SLC35F2: variants seen among roughly 807,000 people sequenced by gnomAD.
The protein encoded by SLC35F2 is queuine/queuosine transporter SLC35F2.
A neutral mutation model predicts 38.1 loss-of-function variants in SLC35F2; 25 were observed. The observed-to-expected ratio is 0.66, with a 90% CI of 0.48 to 0.92. The LOEUF is 0.92. Among genes scored for constraint, SLC35F2 ranks in the 40% least tolerant of loss-of-function variants. The pLI is 0.00. For synonymous variants in SLC35F2, 173 were observed against 181.7 expected (o/e 0.95, Z 0.38); for missense variants, 409 against 452.9 (o/e 0.90, Z 0.88).
In SLC35F2 at chr11:107,805,640, A is replaced by G. The variant is rs1350548926; in HGVS notation, c.575-125T>C. Reference sequence around the variant, plus strand: ...ACTAAAGAAGAAGAAACTGGTTACTAGAAGTTTATGTGTGAGAGTGTGTGT... The same window carrying G: ...ACTAAAGAAGAAGAAACTGGTTACTGGAAGTTTATGTGTGAGAGTGTGTGT... On this transcript the variant is annotated intron_variant, in intron 4 of 7. Transcript: ENST00000525815. 4 of 1,454,926 alleles carry G rather than the reference A, an allele frequency of 2.7e-6. No individual in the cohort carries two copies. The East Asian group carries it at 9.9e-5, about 36-fold the overall frequency. 90.1% of individuals were successfully genotyped at this position (1,454,926 alleles called of 1,614,324 possible).
intron 7 of SLC35F2, 54 bp downstream of exon 7, chr11:107,802,947 A>C: frequency 6.7e-7 from 1 of 1,498,162 alleles, no homozygotes; most frequent in Non-Finnish European, 8.9e-7. Flanking sequence ...GAAACCTGCT[A>C]CGTTTTTTGG....
At chr11:107,828,927 T>C (rs1859794311) in intron 1 of SLC35F2, among the ~76,000 whole-genome samples, 1 of 151,462 alleles carries the variant, frequency 6.6e-6, no homozygotes, top group African/African-American at 2.4e-5. Context: ...GCCAACATGG[T>C]GAAACCCTGT....
At chr11:107,819,577 G>C (rs1254054240) in intron 1 of SLC35F2, among the ~76,000 whole-genome samples, 1 of 152,172 alleles carries the variant, frequency 6.6e-6, no homozygotes, top group Non-Finnish European at 1.5e-5. Flanking sequence ...GTCTGAGGCT[G>C]CCCTATCCTA....
intron 1 of SLC35F2, among the ~76,000 whole-genome samples, chr11:107,839,824 T>C (rs1213731893): frequency 6.6e-6 from 1 of 152,118 alleles, no homozygotes; most frequent in Non-Finnish European, 1.5e-5. Flanking sequence ...TGGCTAATTT[T>C]GTATTTTTAG....
chr11:107,816,027 C>G lies in SLC35F2; in HGVS notation c.111-62G>C, dbSNP rs1859568518. ...ATAAGTTATACCTTACACACACACA[C>G]ACACACACACACACACACACACACA... On this transcript the variant is annotated intron_variant, in intron 1 of 7. Transcript: ENST00000525815. The G allele has an allele frequency of 5.6e-6, 8 of 1,416,076 alleles. No homozygotes were observed. In the East Asian group the frequency reaches 2.1e-4, roughly 37 times the overall value. 87.7% of individuals were successfully genotyped at this position (1,416,076 alleles called of 1,614,324 possible).
intron 2 of SLC35F2, among the ~76,000 whole-genome samples, chr11:107,812,446 G>A (rs147176137): frequency 3.4e-4 from 52 of 152,184 alleles, no homozygotes; most frequent in African/African-American, 1.2e-3. Flanking sequence ...TTGAGGTGAG[G>A]GCAGAGGACA....
intron 1 of SLC35F2, among the ~76,000 whole-genome samples, chr11:107,841,981 G>A (rs1002783829): frequency 1.3e-5 from 2 of 151,242 alleles, no homozygotes; most frequent in Admixed American, 6.6e-5. Flanking sequence ...CAGGAGAATT[G>A]CGTGAACCCA....
chr11:107,855,215 G>C (rs541776924), intron 1 of SLC35F2, among the ~76,000 whole-genome samples: 42 of 152,282 alleles, frequency 2.8e-4, no homozygotes, highest in African/African-American at 9.6e-4. Context: ...GACCAATAAA[G>C]GGAAGAGTTC....
chr11:107,809,393 C>T (rs1433982400), intron 3 of SLC35F2, among the ~76,000 whole-genome samples: 1 of 148,266 alleles, frequency 6.7e-6, no homozygotes, highest in African/African-American at 2.5e-5. Flanking sequence ...ACTCAGGAGG[C>T]CAAGGCTGCA....
At chr11:107,807,286 A>AAAAAAAAAAAAAAAAAAAAAAAAAAAAC (rs71047625) in intron 3 of SLC35F2, among the ~76,000 whole-genome samples, 1 of 87,270 alleles carries the variant, frequency 1.1e-5, no homozygotes, top group Non-Finnish European at 2.3e-5. Flanking sequence ...AAAAAAAAAA[A>AAAAAAAAAAAAAAAAAAAAAAAAAAAAC]CAACAACAAA....
At chr11:107,856,055 T>C (rs563944445) in intron 1 of SLC35F2, among the ~76,000 whole-genome samples, 18 of 139,970 alleles carry the variant, frequency 1.3e-4, no homozygotes, top group Admixed American at 4.6e-4. Flanking sequence ...CAGTGAGCCA[T>C]GATCGTGCCG....
rs558223360 is a variant in SLC35F2, at chr11:107,830,237, T to C, written c.111-14272A>G. On this transcript the variant is annotated intron_variant, in intron 1 of 7. Coordinates refer to ENST00000525815, the MANE Select transcript of SLC35F2 (RefSeq NM_017515.5). ...TAATTTGACAACTAAATCTTTGCAA[T>C]TGGTTTCCATTATAATTTTTAATAT... Among the ~76,000 whole-genome samples, 8 of 152,314 alleles carry C rather than the reference T, an allele frequency of 5.3e-5. No individual in the cohort carries two copies. In the East Asian group the frequency reaches 1.3e-3, roughly 26 times the overall value.
intron 5 of SLC35F2, chr11:107,805,070 G>C: frequency 1.0e-6 from 1 of 985,244 alleles, no homozygotes. Flanking sequence ...ATATTTTCTG[G>C]AAATAACTAA....
chr11:107,855,649 T>C (rs1053989518), intron 1 of SLC35F2, among the ~76,000 whole-genome samples: 16 of 148,016 alleles, frequency 1.1e-4, no homozygotes, highest in African/African-American at 4.0e-4. Flanking sequence ...TGAAACTCTG[T>C]CTAAAAAAAA....
intron 1 of SLC35F2, among the ~76,000 whole-genome samples, chr11:107,843,895 A>T (rs190424821): frequency 0.022 from 2,809 of 125,650 alleles, 162 homozygotes; most frequent in Non-Finnish European, 0.035. Flanking sequence ...ATATATATAT[A>T]TATATATATA....
chr11:107,857,905 T>C (rs1591215873), intron 1 of SLC35F2, among the ~76,000 whole-genome samples: 1 of 152,222 alleles, frequency 6.6e-6, no homozygotes, highest in Non-Finnish European at 1.5e-5. Flanking sequence ...TAAATTGTTA[T>C]GCACAGTACC....
intron 7 of SLC35F2, among the ~76,000 whole-genome samples, chr11:107,794,307 C>G (rs1859184093): frequency 6.6e-6 from 1 of 152,074 alleles, no homozygotes; most frequent in African/African-American, 2.4e-5. Context: ...TCTCGAACAC[C>G]AGACCTTGTG....
Position 107,806,792 on chromosome 11 carries a change from C to A in SLC35F2, c.499G>T (p.Ala167Ser), listed in dbSNP as rs752339050. The part of the protein sequence containing the change: ...HARYRVIHFI[A>S]VAVCLLGVGT... The stretch of plus-strand genomic sequence containing the variant: ...ACACCCAACAGACAGACAGCCACGG[C>A]GATGAAGTGGATCACTCTGTATCTT... The change falls in exon 4 of 8, where the codon GCC becomes TCC. Residue 167 changes from alanine to serine, a missense_variant. Transcript: ENST00000525815. The A allele has an allele frequency of 6.2e-7, 1 of 1,613,866 alleles. No individual in the cohort carries two copies. The highest frequency in any genetic ancestry group is 1.3e-5 in the African/African-American group (1 of 74,902).
intron 1 of SLC35F2, among the ~76,000 whole-genome samples, chr11:107,821,758 A>G (rs1182727006): frequency 6.6e-6 from 1 of 152,182 alleles, no homozygotes; most frequent in Non-Finnish European, 1.5e-5. Context: ...CAATGGCAGG[A>G]TATGATCCAA....
Sources: allele counts gnomAD v4.1 joint callset (sites outside exome capture counted in the v4.1 genomes callset), GRCh38; gene constraint gnomAD v4.1.1; transcripts MANE v1.5; gene names NCBI Gene and HGNC (gene_info 2026-07-23, HGNC 2026-07-21).